EML5: variants seen among roughly 807,000 people sequenced by gnomAD.
EML5 encodes EMAP like 5.
EML5 carries 120 observed loss-of-function variants against 250.0 expected under a neutral mutation model. That is an observed-to-expected ratio of 0.48 (90% CI 0.41 to 0.56). The LOEUF (loss-of-function observed/expected upper bound fraction) is 0.56. Ranked by LOEUF, EML5 falls within the 20% of genes least tolerant of loss-of-function variation. EML5 has a pLI of 0.00. For synonymous variants in EML5, 771 were observed against 806.5 expected, an observed-to-expected ratio of 0.96 and a Z score of 0.75; for missense variants, 2,006 against 2,437.6, an observed-to-expected ratio of 0.82 and a Z score of 3.73.
intron 27 of EML5, 31 bp from the exon 28 acceptor site, chr14:88,649,957 GA>G: frequency 6.9e-7 from 1 of 1,448,534 alleles, no homozygotes. Context: ...AAAAAAGTAG[GA>G]AAACATATAA....
At chr14:88,696,426 G>A (rs1388417845) in intron 15 of EML5, among the ~76,000 whole-genome samples, 1 of 152,022 alleles carries the variant, frequency 6.6e-6, no homozygotes, top group Non-Finnish European at 1.5e-5. Context: ...GTATAAATAT[G>A]TCTAAAATAA....
intron 3 of EML5, among the ~76,000 whole-genome samples, chr14:88,744,852 T>TTGGTA (rs2093981253): frequency 6.6e-6 from 1 of 152,096 alleles, no homozygotes; most frequent in South Asian, 2.1e-4. Context: ...AATGTACACT[T>TTGGTA]CACATTTTGG....
intron 28 of EML5, 51 bp downstream of exon 28, chr14:88,649,856 GAATAA>G: frequency 1.5e-6 from 2 of 1,334,804 alleles, no homozygotes; most frequent in Non-Finnish European, 2.0e-6. Context: ...ATACCATAAA[GAATAA>G]AATAAAGGGT....
chr14:88,650,788 T>C (rs1469628534), intron 27 of EML5, among the ~76,000 whole-genome samples: 2 of 152,114 alleles, frequency 1.3e-5, no homozygotes, highest in Non-Finnish European at 2.9e-5. Context: ...GGTACAGGCA[T>C]GTACTACCAT....
chr14:88,789,125 T>C (rs1056865438), intron 1 of EML5, among the ~76,000 whole-genome samples: 1 of 151,968 alleles, frequency 6.6e-6, no homozygotes, highest in Admixed American at 6.6e-5. Context: ...TTTCAAAATA[T>C]AGACCAAGGT....
At chr14:88,728,625 G>A (rs1405751534) in intron 7 of EML5, among the ~76,000 whole-genome samples, 1 of 152,176 alleles carries the variant, frequency 6.6e-6, no homozygotes, top group Non-Finnish European at 1.5e-5. Context: ...GGCTGAGGAG[G>A]AGGAAGAGAA....
intron 10 of EML5, 32 bp downstream of exon 10, chr14:88,712,239 G>C: frequency 4.2e-6 from 6 of 1,443,226 alleles, no homozygotes; most frequent in African/African-American, 1.4e-5. Context: ...CTGTGAGAGA[G>C]AGGTTACTTA....
intron 32 of EML5, among the ~76,000 whole-genome samples, chr14:88,637,918 A>C (rs1390332488): frequency 1.3e-5 from 2 of 152,204 alleles, no homozygotes; most frequent in South Asian, 2.1e-4. Context: ...AAACTGTACA[A>C]AAAGGAAAAA....
intron 41 of EML5, chr14:88,617,902 G>A (rs539105844): frequency 2.3e-5 from 4 of 176,508 alleles, no homozygotes; most frequent in South Asian, 1.5e-4. Context: ...CCTTTAGATA[G>A]AGAATTAATA....
At position 88,661,688 on chromosome 14, in the gene EML5, A is replaced by C. The variant is rs1405665481; in HGVS notation, c.3641T>G (p.Leu1214Trp). Residue 1214 changes from leucine to tryptophan, a missense_variant, in exon 25 of 44, where the codon TTG becomes TGG. By Grantham distance (61) the Leu-to-Trp change is moderately conservative (BLOSUM62 -2). Around this residue, in one of 7 missense-constraint regions of EML5, gnomAD observed 1,375 missense variants for 1,590.3 expected, o/e 0.86. Transcript: ENST00000554922. ...DKMVLATGDDLGFVKLFRYPT... is the reference protein window; with the variant it reads ...DKMVLATGDDWGFVKLFRYPT... Reference sequence around the variant, plus strand: ...ATATCTAAATAACTTCACAAATCCCAAATCGTCCCCGGTAGCTAGAACCAT... The same window carrying C: ...ATATCTAAATAACTTCACAAATCCCCAATCGTCCCCGGTAGCTAGAACCAT... 1.2e-6 allele frequency: 2 copies of C among 1,613,330 alleles called. No homozygotes were observed.
rs576073686 is a variant in EML5, at chr14:88,730,494, T to C, written c.1050-3816A>G. 2.0e-5 allele frequency among the ~76,000 whole-genome samples: 3 copies of C among 152,352 alleles called. No individual in the cohort carries two copies. In the South Asian group the frequency reaches 6.2e-4, roughly 32 times the overall value. ...AATATGTCCAGAGAAAACAGACTTGTTTAAGACTGTTAGCCTTTCTGTGAG... is the reference window on the plus strand; with the variant it reads ...AATATGTCCAGAGAAAACAGACTTGCTTAAGACTGTTAGCCTTTCTGTGAG... On this transcript the variant is annotated intron_variant, in intron 7 of 43. Transcript: ENST00000554922.
chr14:88,666,948 T>C (rs551115254), intron 21 of EML5, among the ~76,000 whole-genome samples: 1 of 152,292 alleles, frequency 6.6e-6, no homozygotes, highest in East Asian at 1.9e-4. Context: ...GATGATGACC[T>C]GGAGCTGGGT....
At chr14:88,694,255 A>G in intron 17 of EML5, 52 bp downstream of exon 17, 2 of 1,328,024 alleles carry the variant, frequency 1.5e-6, no homozygotes, top group Non-Finnish European at 2.1e-6. Context: ...ATTACTTTCA[A>G]AAGCAATAAT....
At chr14:88,789,153 G>A (rs2094581094) in intron 1 of EML5, among the ~76,000 whole-genome samples, 1 of 151,648 alleles carries the variant, frequency 6.6e-6, no homozygotes. Flanking sequence ...TGCATCTTAT[G>A]CTAAAACTGG....
intron 21 of EML5, among the ~76,000 whole-genome samples, chr14:88,670,577 T>C (rs2092435592): frequency 6.6e-6 from 1 of 152,120 alleles, no homozygotes; most frequent in African/African-American, 2.4e-5. Flanking sequence ...GATGGATGAA[T>C]TGACAGAAGT....
rs556104365 is a variant in EML5 at position 88,676,447 on chromosome 14, G to A, written c.3124+5443C>T. Among the ~76,000 whole-genome samples the A allele has an allele frequency of 4.3e-4, 65 of 152,206 alleles. No individual in the cohort carries two copies. The South Asian group carries it at 7.5e-3, about 18-fold the overall frequency. ...AGACTCACTATCACGAGAACAGCAC[G>A]GGAAAGACCTGCCCCCATGATTCAA... On this transcript the variant is annotated intron_variant, in intron 21 of 43. Coordinates refer to ENST00000554922, the MANE Select transcript of EML5 (RefSeq NM_183387.3).
intron 1 of EML5, among the ~76,000 whole-genome samples, chr14:88,765,002 C>T (rs187240982): frequency 1.2e-3 from 182 of 152,222 alleles, no homozygotes; most frequent in Non-Finnish European, 2.0e-3. Flanking sequence ...TTTTCTATGC[C>T]ATGAATAATA....
At chr14:88,729,300 A>G (rs2093716187) in intron 7 of EML5, among the ~76,000 whole-genome samples, 1 of 152,194 alleles carries the variant, frequency 6.6e-6, no homozygotes, top group African/African-American at 2.4e-5. Context: ...AAAATCTTCA[A>G]TACTTCAACA....
intron 31 of EML5, 146 bp from the exon 32 acceptor site, chr14:88,639,053 G>A (rs1463268173): frequency 1.8e-5 from 11 of 617,338 alleles, no homozygotes; most frequent in Non-Finnish European, 3.1e-5. Flanking sequence ...AGCATCATAA[G>A]GATAGAAAAA....
Sources: gnomAD v4.1 joint callset for allele counts (sites outside exome capture counted in the v4.1 genomes callset) on GRCh38, gnomAD v4.1.1 for gene constraint, gnomAD v4.1.1 regional missense constraint, MANE v1.5 for transcripts, NCBI Gene and HGNC (gene_info 2026-07-23, HGNC 2026-07-21) for gene names.